ABI3BP: variants seen among roughly 807,000 people sequenced by gnomAD.
ABI3BP encodes target of Nesh-SH3.
In ABI3BP, 216 loss-of-function variants were observed where a neutral mutation model predicts 268.6. The observed-to-expected ratio is 0.80, with a 90% CI of 0.72 to 0.90. The LOEUF is 0.90. Ranked by LOEUF, ABI3BP falls within the 40% of genes least tolerant of loss-of-function variation. The probability of loss-of-function intolerance (pLI) is 0.00; values close to 1 mark genes in which losing one functional copy is unlikely to be tolerated. For synonymous variants in ABI3BP, 730 were observed against 730.0 expected, an observed-to-expected ratio of 1.00 and a Z score of 0.00; for missense variants, 2,090 against 2,182.4, an observed-to-expected ratio of 0.96 and a Z score of 0.84.
At chr3:100,921,373 CATT>C (rs2060170622) in intron 2 of ABI3BP, among the ~76,000 whole-genome samples, 1 of 152,146 alleles carries the variant, frequency 6.6e-6, no homozygotes, top group South Asian at 2.1e-4. Context: ...AACAGAACAT[CATT>C]AAGTATGAGT....
At chr3:100,947,871 C>T (rs74427011) in intron 1 of ABI3BP, among the ~76,000 whole-genome samples, 9 of 152,034 alleles carry the variant, frequency 5.9e-5, no homozygotes, top group Non-Finnish European at 1.0e-4. Context: ...TCAAAGATTG[C>T]GGGACTGAGG....
At chr3:100,769,852 G>T (rs1456328856) in intron 62 of ABI3BP, among the ~76,000 whole-genome samples, 1 of 152,186 alleles carries the variant, frequency 6.6e-6, no homozygotes, top group East Asian at 1.9e-4. Flanking sequence ...GGTAAAGAAA[G>T]CTAGTTAAGA....
intron 48 of ABI3BP, among the ~76,000 whole-genome samples, chr3:100,810,850 G>C (rs187776404): frequency 7.3e-4 from 111 of 152,258 alleles, no homozygotes; most frequent in Admixed American, 2.8e-3. Flanking sequence ...AAATAACTGT[G>C]ATGGGATAAG....
chr3:100,778,151 C>G (rs2096760058), intron 59 of ABI3BP, 133 bp downstream of exon 59: 1 of 841,394 alleles, frequency 1.2e-6, no homozygotes, highest in Admixed American at 2.3e-5. Context: ...TTTACAGTGT[C>G]TAGTCTTCAG....
Position 100,926,488 on chromosome 3 carries a change from A to T in ABI3BP, c.80-7T>A, listed in dbSNP as rs767559911. The T allele has an allele frequency of 8.7e-6, 14 of 1,611,124 alleles. No homozygotes were observed. In the East Asian group the frequency reaches 3.1e-4, roughly 36 times the overall value. ...TTGAGGTTTGGCCTTTTACCTAACA[A>T]TGGGAATGAAAACATCGATGGCTGT... On this transcript the variant is annotated splice_region_variant and splice_polypyrimidine_tract_variant and intron_variant, in intron 1 of 67. Transcript: ENST00000471714.
At chr3:100,908,889 C>G (rs566207856) in intron 2 of ABI3BP, among the ~76,000 whole-genome samples, 82 of 152,164 alleles carry the variant, frequency 5.4e-4, no homozygotes, top group African/African-American at 1.9e-3. Flanking sequence ...ACTTTCTTCA[C>G]GGAATTGGAA....
At chr3:100,866,764 T>G (rs755423170) in intron 10 of ABI3BP, 115 bp downstream of exon 10, 3 of 869,636 alleles carry the variant, frequency 3.4e-6, no homozygotes, top group Non-Finnish European at 5.3e-6. Flanking sequence ...TGTTTTGCAT[T>G]TATGATCAAA....
At chr3:100,823,620 A>AC in intron 36 of ABI3BP, 106 bp from the exon 37 acceptor site, 1 of 617,166 alleles carries the variant, frequency 1.6e-6, no homozygotes, top group South Asian at 2.4e-5. Flanking sequence ...CCAGAGAAAC[A>AC]AAAAAAAAAT....
At chr3:100,992,718 G>A (rs1420460118) in intron 1 of ABI3BP, among the ~76,000 whole-genome samples, 2 of 152,184 alleles carry the variant, frequency 1.3e-5, no homozygotes, top group African/African-American at 2.4e-5. Context: ...ACACTAAAAT[G>A]AGAGCAATTT....
intron 20 of ABI3BP, 35 bp downstream of exon 20, chr3:100,846,337 C>A: frequency 2.8e-6 from 4 of 1,428,198 alleles, no homozygotes; most frequent in South Asian, 1.4e-5. Context: ...TTCAACCCCA[C>A]TTTTGGAATA....
In ABI3BP at chr3:100,818,507, G is replaced by A. The variant is rs2098120859; in HGVS notation, c.3088+18C>T. On this transcript the variant is annotated intron_variant, in intron 41 of 67. Transcript: ENST00000471714. ...TAAGCAGGAAAAGCACTATTTGAAG[G>A]ACACACATTCTCATTACCCATGGTT... is the stretch of plus-strand genomic sequence containing the variant. 1 of 1,529,440 alleles carries A rather than the reference G, an allele frequency of 6.5e-7. No homozygotes were observed. The highest frequency in any genetic ancestry group is 2.0e-5 in the Admixed American group (1 of 50,972). 94.7% of individuals were successfully genotyped at this position (1,529,440 alleles called of 1,614,324 possible). A position where few individuals can be genotyped will look rare whatever the true frequency, so the allele number is the denominator to read the frequency against.
At chr3:100,877,436 T>C (rs867850875) in intron 6 of ABI3BP, among the ~76,000 whole-genome samples, 2 of 152,214 alleles carry the variant, frequency 1.3e-5, no homozygotes, top group African/African-American at 4.8e-5. Flanking sequence ...ATTCTGCACA[T>C]GTTTATACAC....
chr3:100,759,188 C>T (rs1008744428), intron 63 of ABI3BP, among the ~76,000 whole-genome samples: 2 of 152,014 alleles, frequency 1.3e-5, no homozygotes, highest in Admixed American at 6.6e-5. Context: ...GTTGTTCAGC[C>T]GAGTTTTACC....
intron 19 of ABI3BP, 141 bp from the exon 20 acceptor site, chr3:100,846,587 C>A: frequency 1.8e-6 from 1 of 558,492 alleles, no homozygotes; most frequent in Non-Finnish European, 3.1e-6. Flanking sequence ...GGAAATATTC[C>A]ATTAAGAGAA....
chr3:100,939,835 G>A (rs1823361), intron 1 of ABI3BP, among the ~76,000 whole-genome samples: 20,966 of 151,850 alleles, frequency 0.14, 1,711 homozygotes, highest in Middle Eastern at 0.19. Flanking sequence ...GGGAGACTGG[G>A]GTCTATTTCA....
intron 9 of ABI3BP, among the ~76,000 whole-genome samples, chr3:100,870,532 A>AACG (rs2099099008): frequency 6.6e-6 from 1 of 152,192 alleles, no homozygotes. Context: ...TATTAAGCAA[A>AACG]ACGATAAAAA....
intron 2 of ABI3BP, among the ~76,000 whole-genome samples, chr3:100,909,265 G>A (rs531308960): frequency 6.6e-6 from 1 of 152,058 alleles, no homozygotes; most frequent in South Asian, 2.1e-4. Flanking sequence ...AACTCAAGAT[G>A]GATTAAAGAC....
rs2096525542 is a variant in ABI3BP at position 100,770,819 on chromosome 3, G to A, written c.4665C>T (p.Leu1555=). 2 of 1,597,452 alleles carry A rather than the reference G, an allele frequency of 1.3e-6. No individual in the cohort carries two copies. The highest frequency in any genetic ancestry group is 2.3e-5 in the East Asian group (1 of 44,170). The part of the protein sequence containing the change: ...TSPPQNPPTN[L]TVVTVEGCPS... ...GGCACCCTTCCACGGTGACCACAGTGAGGTTGGTGGGTGGGTTCTGTGGTG... is the reference window on the plus strand; with the variant it reads ...GGCACCCTTCCACGGTGACCACAGTAAGGTTGGTGGGTGGGTTCTGTGGTG... Residue 1555 remains leucine (L), a synonymous_variant, in exon 62 of 68, where the codon CTC becomes CTT. Transcript: ENST00000471714.
rs758085834 is a variant in ABI3BP at position 100,848,828 on chromosome 3, G to A, written c.1549C>T (p.Arg517Trp). 1.6e-5 allele frequency: 26 copies of A among 1,612,448 alleles called. No individual in the cohort carries two copies. The highest frequency in any genetic ancestry group is 2.7e-5 in the African/African-American group (2 of 74,872). ...GGTTTGGTTCTTGGCGGTTTGGGCC[G>A]GGGGCGTCGTTTAGGTGTAGAAGGG... ...SIPSTPKRRP[R>W]PKPPRTKPER... The change falls in exon 18 of 68, where the codon CGG becomes TGG. Residue 517 changes from arginine to tryptophan, a missense_variant. By Grantham distance (101) the Arg-to-Trp change is moderately radical. Coordinates refer to ENST00000471714, the MANE Select transcript of ABI3BP (RefSeq NM_001375547.2).
Sources: allele counts gnomAD v4.1 joint callset (sites outside exome capture counted in the v4.1 genomes callset), GRCh38; gene constraint gnomAD v4.1.1; transcripts MANE v1.5; gene names NCBI Gene and HGNC (gene_info 2026-07-23, HGNC 2026-07-21).